ZBTB41: variants seen among roughly 807,000 people sequenced by gnomAD.
ZBTB41 encodes the protein zinc finger and BTB domain-containing protein 41.
ZBTB41 carries 42 observed loss-of-function variants against 87.6 expected under a neutral mutation model. The ratio of observed to expected loss-of-function variants is 0.48; its 90% CI spans 0.37 to 0.62. ZBTB41 has a LOEUF of 0.62. ZBTB41 is among the 20% of genes least tolerant of loss of function. The pLI, the probability that ZBTB41 is intolerant of heterozygous loss-of-function variation, is 0.00. For missense variants in ZBTB41, 799 were observed against 1,078.9 expected (o/e 0.74, Z 3.63); for synonymous variants, 364 against 364.0 (o/e 1.00, Z 0.00).
chr1:197,180,606 G>A (rs563735542), intron 6 of ZBTB41, among the ~76,000 whole-genome samples: 43 of 148,206 alleles, frequency 2.9e-4, no homozygotes, highest in African/African-American at 1.1e-3. Flanking sequence ...AGATGGAAAG[G>A]TTATCTTTGG....
intron 9 of ZBTB41, among the ~76,000 whole-genome samples, chr1:197,173,158 G>A (rs893546891): frequency 6.6e-6 from 1 of 152,078 alleles, no homozygotes; most frequent in Non-Finnish European, 1.5e-5. Context: ...CATATGGAAT[G>A]AATACATGGC....
intron 10 of ZBTB41, among the ~76,000 whole-genome samples, chr1:197,162,769 T>C (rs1401762272): frequency 6.6e-6 from 1 of 152,162 alleles, no homozygotes; most frequent in Admixed American, 6.5e-5. Context: ...TCTTTTCTCC[T>C]CAGTGCACTT....
At chr1:197,171,450 T>C (rs1161662033) in intron 10 of ZBTB41, among the ~76,000 whole-genome samples, 1 of 151,976 alleles carries the variant, frequency 6.6e-6, no homozygotes, top group Non-Finnish European at 1.5e-5. Flanking sequence ...CCGAATTGAA[T>C]ATAAAACAAA....
At chr1:197,194,165 C>T (rs1314591178) in intron 2 of ZBTB41, among the ~76,000 whole-genome samples, 6 of 152,030 alleles carry the variant, frequency 3.9e-5, no homozygotes, top group Non-Finnish European at 8.8e-5. Context: ...ATTGCAGGCA[C>T]ATGCTATACG....
chr1:197,198,711 A>G (rs1660226838), intron 2 of ZBTB41, among the ~76,000 whole-genome samples: 2 of 152,182 alleles, frequency 1.3e-5, no homozygotes, highest in African/African-American at 4.8e-5. Flanking sequence ...TCTTTTCTAA[A>G]AGAAAAAAAG....
At chr1:197,194,969 T>C (rs1052309588) in intron 2 of ZBTB41, among the ~76,000 whole-genome samples, 3 of 152,212 alleles carry the variant, frequency 2.0e-5, no homozygotes, top group African/African-American at 7.2e-5. Context: ...TTAAATCATT[T>C]GGTAGGGTTT....
chr1:197,187,188 T>C (rs1465152258), intron 5 of ZBTB41, among the ~76,000 whole-genome samples: 1 of 151,402 alleles, frequency 6.6e-6, no homozygotes, highest in Non-Finnish European at 1.5e-5. Context: ...ATCCAGCCCC[T>C]GTTTTCCAAG....
chr1:197,192,433 C>T (rs1019029362), intron 2 of ZBTB41, among the ~76,000 whole-genome samples: 1 of 152,018 alleles, frequency 6.6e-6, no homozygotes, highest in Non-Finnish European at 1.5e-5. Context: ...ACAGAATTTA[C>T]CTAATAGAAC....
At chr1:197,165,117 G>A (rs1403343573) in intron 10 of ZBTB41, among the ~76,000 whole-genome samples, 1 of 150,664 alleles carries the variant, frequency 6.6e-6, no homozygotes, top group Non-Finnish European at 1.5e-5. Flanking sequence ...AATGAAGAAT[G>A]TAGAATATTT....
In ZBTB41 at chr1:197,154,713, T is replaced by G. The variant is rs933770812; in HGVS notation, c.*4646A>C. 6.6e-6 allele frequency: 1 copy of G among 152,282 alleles called. No individual in the cohort carries two copies. Among genetic ancestry groups the G allele is most frequent in the African/African-American group, 2.4e-5 (1 of 41,396 alleles). The allele number at this position is 152,282 out of a possible 1,614,324, so 9.4% of individuals were successfully genotyped here. Reference sequence around the variant, plus strand: ...AACAAACAAACAAAAAACCCCACATTAGAGAAATGTGGAAAAGGGTAGGAT... The same window carrying G: ...AACAAACAAACAAAAAACCCCACATGAGAGAAATGTGGAAAAGGGTAGGAT... On this transcript the variant is annotated 3_prime_UTR_variant, in exon 11 of 11. Transcript: ENST00000367405.
At chr1:197,176,496 C>T in intron 8 of ZBTB41, 68 bp downstream of exon 8, 2 of 1,057,114 alleles carry the variant, frequency 1.9e-6, no homozygotes, top group Non-Finnish European at 2.8e-6. Flanking sequence ...ATAAACATAA[C>T]ATCATATTAT....
rs1383092027 is a variant in ZBTB41, at chr1:197,199,788, G to A, written c.686C>T (p.Thr229Ile). Residue 229 changes from threonine (T) to isoleucine (I), a missense_variant, in exon 2 of 11, where the codon ACC (threonine) becomes ATC (isoleucine). By Grantham distance (89) the Thr-to-Ile change is moderately conservative. Coordinates refer to ENST00000367405, the MANE Select transcript of ZBTB41 (RefSeq NM_194314.3). ...TTTCCCTAATAAAAGGGACCTATGG[G>A]TTTTAGCCAAATGATTCTCTAAAGA... ...KKSLENHLAK[T>I]HRSLLLGKKH... 1.2e-5 allele frequency: 20 copies of A among 1,612,686 alleles called. No individual in the cohort carries two copies. The highest frequency in any genetic ancestry group is 1.6e-5 in the Non-Finnish European group (19 of 1,179,568).
rs755671770 is a variant in ZBTB41 at position 197,188,359 on chromosome 1, A to G, written c.1479T>C (p.Cys493=). The stretch of plus-strand genomic sequence containing the variant: ...ATTTAAAATGTTCTTCACAATAGGT[A>G]CACTTAAAAGGTTTATCTTGAGAAT... ...ILHSQDKPFK[C]TYCEEHFKSR... The change falls in exon 5 of 11, where the codon TGT becomes TGC. Residue 493 remains cysteine (C), a synonymous_variant. Coordinates refer to ENST00000367405, the MANE Select transcript of ZBTB41 (RefSeq NM_194314.3). 4 of 1,613,926 alleles carry G rather than the reference A, an allele frequency of 2.5e-6. No homozygotes were observed. The highest frequency in any genetic ancestry group is 2.5e-6 in the Non-Finnish European group (3 of 1,179,930).
intron 5 of ZBTB41, among the ~76,000 whole-genome samples, chr1:197,185,874 A>G (rs1454775296): frequency 2.0e-5 from 3 of 152,222 alleles, no homozygotes; most frequent in East Asian, 1.9e-4. Flanking sequence ...TCCCATGTTC[A>G]TGGAAAGAAA....
At chr1:197,160,042 G>GA in intron 10 of ZBTB41, 28 bp from the exon 11 acceptor site, 1 of 1,560,236 alleles carries the variant, frequency 6.4e-7, no homozygotes, top group Non-Finnish European at 8.8e-7. Context: ...AATATAATTA[G>GA]ATGTAAAATG....
chr1:197,162,163 A>T (rs1171412030), intron 10 of ZBTB41, among the ~76,000 whole-genome samples: 1 of 152,176 alleles, frequency 6.6e-6, no homozygotes, highest in Non-Finnish European at 1.5e-5. Context: ...TTAGGTTTCT[A>T]AAAAGATGAA....
intron 5 of ZBTB41, among the ~76,000 whole-genome samples, chr1:197,182,916 G>A (rs1270224602): frequency 6.6e-6 from 1 of 152,130 alleles, no homozygotes; most frequent in African/African-American, 2.4e-5. Context: ...AAGGTCTCCA[G>A]GTGCTTGTGA....
chr1:197,200,476 C>A lies in ZBTB41; in HGVS notation c.-3G>T. 1 of 1,567,086 alleles carries A rather than the reference C, an allele frequency of 6.4e-7. No homozygotes were observed. Among genetic ancestry groups the A allele is most frequent in the Non-Finnish European group, 8.6e-7 (1 of 1,162,656 alleles). Reference sequence around the variant, plus strand: ...GTAACCTTTCTCCTCTTCTTCATTGCAGTACAGCAATTTCAGAACAAGAAA... The same window carrying A: ...GTAACCTTTCTCCTCTTCTTCATTGAAGTACAGCAATTTCAGAACAAGAAA... On this transcript the variant is annotated 5_prime_UTR_variant, in exon 2 of 11. Coordinates refer to ENST00000367405, the MANE Select transcript of ZBTB41 (RefSeq NM_194314.3).
In ZBTB41 at chr1:197,159,636, G is replaced by A. The variant is rs1460392535; in HGVS notation, c.2453C>T (p.Pro818Leu). The A allele has an allele frequency of 6.2e-7, 1 of 1,613,976 alleles. No individual in the cohort carries two copies. The highest frequency in any genetic ancestry group is 8.5e-7 in the Non-Finnish European group (1 of 1,179,900). ...VPVTLVPVQM[P>L]DTPSDLVRHT... Reference sequence around the variant, plus strand: ...ACGCACTAGGTCACTCGGAGTGTCAGGCATCTGAACTGGAACCAGAGTTAC... The same window carrying A: ...ACGCACTAGGTCACTCGGAGTGTCAAGCATCTGAACTGGAACCAGAGTTAC... Residue 818 changes from proline to leucine, a missense_variant, in exon 11 of 11, where the codon CCT (proline) becomes CTT (leucine). Physicochemically the swap from Pro to Leu is moderately conservative, Grantham distance 98. Transcript: ENST00000367405.
Sources: gnomAD v4.1 joint callset for allele counts (sites outside exome capture counted in the v4.1 genomes callset) on GRCh38, gnomAD v4.1.1 for gene constraint, MANE v1.5 for transcripts, NCBI Gene and HGNC (gene_info 2026-07-23, HGNC 2026-07-21) for gene names.